The following HIPK2 variants were observed in gnomAD, a reference collection of about 807,000 sequenced individuals.
The protein encoded by HIPK2 is homeodomain-interacting protein kinase 2.
A neutral mutation model predicts 113.7 loss-of-function variants in HIPK2; 27 were observed. The ratio of observed to expected loss-of-function variants is 0.24; its 90% CI spans 0.17 to 0.33. The LOEUF (loss-of-function observed/expected upper bound fraction) is 0.33. Among genes scored for constraint, HIPK2 ranks in the 10% least tolerant of loss-of-function variants. The pLI, the probability that HIPK2 is intolerant of heterozygous loss-of-function variation, is 1.00. For synonymous variants in HIPK2, 631 were observed against 642.2 expected (o/e 0.98, Z 0.26); for missense variants, 1,257 against 1,588.0 (o/e 0.79, Z 3.54).
intron 14 of HIPK2, among the ~76,000 whole-genome samples, chr7:139,574,896 C>T (rs1585226561): frequency 6.6e-6 from 1 of 152,226 alleles, no homozygotes; most frequent in African/African-American, 2.4e-5. Flanking sequence ...TAACATTAGA[C>T]AAGTCGCTTT....
intron 2 of HIPK2, among the ~76,000 whole-genome samples, chr7:139,696,326 G>C (rs1029640643): frequency 6.6e-6 from 1 of 152,212 alleles, no homozygotes; most frequent in Non-Finnish European, 1.5e-5. Context: ...TAATCCCAGC[G>C]CTTTGGGAGG....
intron 9 of HIPK2, among the ~76,000 whole-genome samples, chr7:139,605,849 G>A (rs1214292216): frequency 2.0e-5 from 3 of 152,306 alleles, no homozygotes; most frequent in South Asian, 4.2e-4. Context: ...TTAACTCACA[G>A]AAAGCGGAAA....
Position 139,624,456 on chromosome 7 carries a change from G to A in HIPK2, c.1619+2145C>T, listed in dbSNP as rs116790351. Reference sequence around the variant, plus strand: ...CCCTTTTTAAATACCCTGGCTTCCCGCTTACTTCTCATGTCCAGTGACTCT... The same window carrying A: ...CCCTTTTTAAATACCCTGGCTTCCCACTTACTTCTCATGTCCAGTGACTCT... On this transcript the variant is annotated intron_variant, in intron 6 of 14. Coordinates refer to ENST00000406875, the MANE Select transcript of HIPK2 (RefSeq NM_022740.5). Among the ~76,000 whole-genome samples, 429 of 152,186 alleles carry A rather than the reference G, an allele frequency of 2.8e-3. 1 individual carries two copies. Among genetic ancestry groups the A allele is most frequent in the African/African-American group, 9.8e-3 (405 of 41,512 alleles).
At chr7:139,633,979 G>A (rs1481992981) in intron 2 of HIPK2, among the ~76,000 whole-genome samples, 1 of 150,546 alleles carries the variant, frequency 6.6e-6, no homozygotes, top group African/African-American at 2.5e-5. Flanking sequence ...GCATGGAGGT[G>A]CGCACCTGTG....
chr7:139,563,611 T>C lies in HIPK2; in HGVS notation c.*9316A>G, dbSNP rs1569433479. ...CCCAAAAACAATGACACAAAATTCA[T>C]TTGGTTAATTCATGTAAAGGAAAAA... On this transcript the variant is annotated 3_prime_UTR_variant, in exon 15 of 15. Transcript: ENST00000406875. 2.6e-6 allele frequency: 1 copy of C among 389,648 alleles called. No homozygotes were observed. Among genetic ancestry groups the C allele is most frequent in the East Asian group, 3.6e-5 (1 of 27,410 alleles). 24.1% of individuals were successfully genotyped at this position (389,648 alleles called of 1,614,324 possible). A position where few individuals can be genotyped will look rare whatever the true frequency, so the allele number is the denominator to read the frequency against.
chr7:139,719,447 T>C (rs1026595621), intron 1 of HIPK2, among the ~76,000 whole-genome samples: 2 of 152,166 alleles, frequency 1.3e-5, no homozygotes, highest in African/African-American at 2.4e-5. Flanking sequence ...GTTTTGACTC[T>C]GTTCTCTCTG....
At position 139,705,530 on chromosome 7, in the gene HIPK2, A is replaced by C. The variant is rs572493221; in HGVS notation, c.1103+10402T>G. On this transcript the variant is annotated intron_variant, in intron 2 of 14. Coordinates refer to ENST00000406875, the MANE Select transcript of HIPK2 (RefSeq NM_022740.5). The stretch of plus-strand genomic sequence containing the variant: ...TAGCTGGGACTACAGGCACCCACCA[A>C]CACGCCCAGCTGATTTTTTGGTATT... Among the ~76,000 whole-genome samples, 7 of 152,104 alleles carry C rather than the reference A, an allele frequency of 4.6e-5. No homozygotes were observed. In the South Asian group the frequency reaches 1.5e-3, roughly 32 times the overall value.
chr7:139,626,888 G>T, intron 5 of HIPK2, 103 bp from the exon 6 acceptor site: 2 of 1,311,522 alleles, frequency 1.5e-6, no homozygotes, highest in Non-Finnish European at 2.1e-6. Flanking sequence ...GATCTCTCAA[G>T]CCCCCTTTCT....
At chr7:139,598,090 C>T (rs1269393592) in intron 11 of HIPK2, among the ~76,000 whole-genome samples, 1 of 152,006 alleles carries the variant, frequency 6.6e-6, no homozygotes, top group African/African-American at 2.4e-5. Context: ...TGACTGAGAC[C>T]ACATGTCAGG....
At chr7:139,699,640 C>G (rs1215298130) in intron 2 of HIPK2, among the ~76,000 whole-genome samples, 1 of 152,236 alleles carries the variant, frequency 6.6e-6, no homozygotes, top group Non-Finnish European at 1.5e-5. Flanking sequence ...CCCTCTGCAC[C>G]AGGCACAAGG....
At chr7:139,735,907 A>C (rs893690956) in intron 1 of HIPK2, among the ~76,000 whole-genome samples, 2 of 152,216 alleles carry the variant, frequency 1.3e-5, no homozygotes, top group African/African-American at 4.8e-5. Context: ...AAATAAGATA[A>C]AACAGGACCA....
rs918880294 is a variant in HIPK2, at chr7:139,565,073, C to G, written c.*7854G>C. 1.3e-5 allele frequency: 2 copies of G among 152,062 alleles called. No homozygotes were observed. Among genetic ancestry groups the G allele is most frequent in the Non-Finnish European group, 2.9e-5 (2 of 68,026 alleles). The allele number at this position is 152,062 out of a possible 1,614,324, so 9.4% of individuals were successfully genotyped here. A position where few individuals can be genotyped will look rare whatever the true frequency, so the allele number is the denominator to read the frequency against. ...TTTCAGCCCACAGAGAATTCATAGT[C>G]TTTAAATTCCAAGATCAAGCTGGCT... On this transcript the variant is annotated 3_prime_UTR_variant, in exon 15 of 15. Coordinates refer to ENST00000406875, the MANE Select transcript of HIPK2 (RefSeq NM_022740.5).
chr7:139,662,292 G>T (rs1466146957), intron 2 of HIPK2, among the ~76,000 whole-genome samples: 1 of 152,214 alleles, frequency 6.6e-6, no homozygotes, highest in Non-Finnish European at 1.5e-5. Flanking sequence ...TTGAAATTTA[G>T]AATGTACTTT....
At chr7:139,651,897 G>A (rs1168451000) in intron 2 of HIPK2, among the ~76,000 whole-genome samples, 2 of 152,138 alleles carry the variant, frequency 1.3e-5, no homozygotes, top group Non-Finnish European at 2.9e-5. Context: ...TAAGACCTCC[G>A]TGGAGAGGAA....
At chr7:139,626,554 TTAAAG>T in intron 6 of HIPK2, 42 bp downstream of exon 6, 1 of 1,575,254 alleles carries the variant, frequency 6.3e-7, no homozygotes, top group Non-Finnish European at 8.6e-7. Context: ...GTCTGGGCCT[TTAAAG>T]TTTGCCGATC....
At chr7:139,691,081 A>G (rs756258810) in intron 2 of HIPK2, among the ~76,000 whole-genome samples, 286 of 152,246 alleles carry the variant, frequency 1.9e-3, no homozygotes, top group South Asian at 6.2e-4. Context: ...AGATTAGATA[A>G]TTGCCAAGAT....
rs140658522 is a variant in HIPK2, at chr7:139,602,219, C to T, written c.2256-1623G>A. 5.3e-4 allele frequency among the ~76,000 whole-genome samples: 80 copies of T among 152,264 alleles called. 1 individual carries two copies. The East Asian group carries it at 0.014, about 26-fold the overall frequency. ...CTGCCTGCCTTGGCTTCCCAAAGTG[C>T]TGGGATTACAGACGTGAGCCACTGC... On this transcript the variant is annotated intron_variant, in intron 10 of 14. Coordinates refer to ENST00000406875, the MANE Select transcript of HIPK2 (RefSeq NM_022740.5).
rs114125643 is a variant in HIPK2, at chr7:139,645,714, C to T, written c.1104-13989G>A. Among the ~76,000 whole-genome samples the T allele has an allele frequency of 4.6e-3, 699 of 152,210 alleles. 2 individuals carry two copies. The highest frequency in any genetic ancestry group is 0.015 in the African/African-American group (619 of 41,508). ...TGGCCTTGCTCTCTGGAGACGTGCA[C>T]GCCATCAAACCAGCAAAACAGGACT... On this transcript the variant is annotated intron_variant, in intron 2 of 14. Transcript: ENST00000406875.
At position 139,565,062 on chromosome 7, in the gene HIPK2, G is replaced by T. The variant is rs1037687677; in HGVS notation, c.*7865C>A. ...GTAATCATTATTTTCAGCCCACAGA[G>T]AATTCATAGTCTTTAAATTCCAAGA... is the stretch of plus-strand genomic sequence containing the variant. On this transcript the variant is annotated 3_prime_UTR_variant, in exon 15 of 15. Transcript: ENST00000406875. 1.3e-5 allele frequency: 2 copies of T among 152,104 alleles called. No individual in the cohort carries two copies. Among genetic ancestry groups the T allele is most frequent in the African/African-American group, 4.8e-5 (2 of 41,418 alleles). The allele number at this position is 152,104 out of a possible 1,614,324, so 9.4% of individuals were successfully genotyped here. A position where few individuals can be genotyped will look rare whatever the true frequency, so the allele number is the denominator to read the frequency against.
Sources: allele counts gnomAD v4.1 joint callset (sites outside exome capture counted in the v4.1 genomes callset), GRCh38; gene constraint gnomAD v4.1.1; transcripts MANE v1.5; gene names NCBI Gene and HGNC (gene_info 2026-07-23, HGNC 2026-07-21).